CIT: variants seen among roughly 807,000 people sequenced by gnomAD.
The protein encoded by CIT is citron Rho-interacting kinase.
In CIT, 79 loss-of-function variants were observed where a neutral mutation model predicts 272.7. The ratio of observed to expected loss-of-function variants is 0.29; its 90% CI spans 0.24 to 0.35. The LOEUF (loss-of-function observed/expected upper bound fraction) is 0.35. Ranked by LOEUF, CIT falls within the 10% of genes least tolerant of loss-of-function variation. The probability of loss-of-function intolerance (pLI) is 1.00; values close to 1 mark genes in which losing one functional copy is unlikely to be tolerated. For synonymous variants in CIT, 948 were observed against 995.6 expected (o/e 0.95, Z 0.90); for missense variants, 1,909 against 2,618.3 (o/e 0.73, Z 5.91).
At chr12:119,772,368 T>C (rs78719749) in intron 17 of CIT, among the ~76,000 whole-genome samples, 2 of 152,132 alleles carry the variant, frequency 1.3e-5, no homozygotes, top group Admixed American at 6.5e-5. Context: ...CTGAGAGTCA[T>C]TGACGCGCAG....
chr12:119,729,355 A>G (rs1298027396), intron 27 of CIT, among the ~76,000 whole-genome samples: 1 of 152,192 alleles, frequency 6.6e-6, no homozygotes, highest in East Asian at 1.9e-4. Context: ...GTATCCGGTA[A>G]GAAAATAATC....
rs542170241 is a variant in CIT at position 119,802,010 on chromosome 12, C to G, written c.1295+1196G>C. Among the ~76,000 whole-genome samples the G allele has an allele frequency of 1.3e-4, 20 of 152,326 alleles. No individual in the cohort carries two copies. In the South Asian group the frequency reaches 3.5e-3, roughly 27 times the overall value. On this transcript the variant is annotated intron_variant, in intron 10 of 47. Coordinates refer to ENST00000392521, the MANE Select transcript of CIT (RefSeq NM_001206999.2). ...CAAATGCCCAATTCCCCACAACACT[C>G]TGAAATCTTTTCAGGAACGTTACTG...
intron 7 of CIT, among the ~76,000 whole-genome samples, chr12:119,830,696 T>C (rs1184276267): frequency 7.9e-5 from 12 of 152,126 alleles, no homozygotes; most frequent in East Asian, 1.9e-4. Flanking sequence ...AGGGTGCTAA[T>C]GGCATCTAGG....
chr12:119,725,295 G>GTA (rs2137173537), intron 28 of CIT, among the ~76,000 whole-genome samples: 1 of 151,978 alleles, frequency 6.6e-6, no homozygotes, highest in East Asian at 1.9e-4. Context: ...GAGTGCTGGT[G>GTA]TATACCTGTA....
chr12:119,820,582 C>T (rs1409714449), intron 9 of CIT, among the ~76,000 whole-genome samples: 1 of 151,992 alleles, frequency 6.6e-6, no homozygotes, highest in Admixed American at 6.5e-5. Context: ...AAAGAGTTAA[C>T]GTTGGGGAAA....
intron 37 of CIT, among the ~76,000 whole-genome samples, chr12:119,711,682 G>A (rs547180348): frequency 6.6e-6 from 1 of 152,262 alleles, no homozygotes; most frequent in East Asian, 1.9e-4. Context: ...TACAGTCCAT[G>A]CCTCGCTCTG....
intron 23 of CIT, among the ~76,000 whole-genome samples, chr12:119,748,277 A>G (rs1959734109): frequency 6.6e-6 from 1 of 152,232 alleles, no homozygotes; most frequent in Non-Finnish European, 1.5e-5. Context: ...GACAGGTTGC[A>G]GCCAGTCTGC....
At chr12:119,746,040 T>A (rs1228905828) in intron 23 of CIT, among the ~76,000 whole-genome samples, 1 of 152,206 alleles carries the variant, frequency 6.6e-6, no homozygotes, top group African/African-American at 2.4e-5. Flanking sequence ...AAAGTAAGAC[T>A]GTGGCTATCT....
intron 26 of CIT, among the ~76,000 whole-genome samples, chr12:119,731,817 T>C (rs910500214): frequency 3.8e-5 from 1 of 26,414 alleles, no homozygotes; most frequent in African/African-American, 1.4e-4. Context: ...CTCCTAAATA[T>C]ATATATATAT....
At chr12:119,850,340 C>T in intron 4 of CIT, 65 bp from the exon 5 acceptor site, 3 of 954,696 alleles carry the variant, frequency 3.1e-6, no homozygotes, top group East Asian at 5.8e-5. Flanking sequence ...AAGCCTTTTC[C>T]TCTGTCTTTA....
At position 119,698,179 on chromosome 12, in the gene CIT, C is replaced by G; in HGVS notation, c.5624-125G>C. ...TGTAAAGCAACTCACCCAACAAATA[C>G]ATATCTATGCGCCAGAACAGTCATG... On this transcript the variant is annotated intron_variant, in intron 44 of 47. Coordinates refer to ENST00000392521, the MANE Select transcript of CIT (RefSeq NM_001206999.2). 6.3e-6 allele frequency: 5 copies of G among 795,026 alleles called. No individual in the cohort carries two copies. In the South Asian group the frequency reaches 7.2e-5, roughly 11 times the overall value. The allele number at this position is 795,026 out of a possible 1,614,324, so 49.2% of individuals were successfully genotyped here. A position where few individuals can be genotyped will look rare whatever the true frequency, so the allele number is the denominator to read the frequency against.
At chr12:119,836,217 G>A (rs370187867) in intron 5 of CIT, among the ~76,000 whole-genome samples, 1 of 144,724 alleles carries the variant, frequency 6.9e-6, no homozygotes, top group Non-Finnish European at 1.5e-5. Context: ...AACCCGGGAG[G>A]CAGAGGTTGC....
At chr12:119,871,118 T>TAAAA (rs34650406) in intron 2 of CIT, among the ~76,000 whole-genome samples, 1 of 142,784 alleles carries the variant, frequency 7.0e-6, no homozygotes, top group Admixed American at 7.0e-5. Context: ...CAGTCTGTCT[T>TAAAA]AAAAAAAAAA....
At position 119,720,586 on chromosome 12, in the gene CIT, C is replaced by A; in HGVS notation, c.3733-1G>T. 6.3e-7 allele frequency: 1 copy of A among 1,581,428 alleles called. No individual in the cohort carries two copies. The highest frequency in any genetic ancestry group is 8.6e-7 in the Non-Finnish European group (1 of 1,166,118). On this transcript the variant is annotated splice_acceptor_variant, in intron 29 of 47. Coordinates refer to ENST00000392521, the MANE Select transcript of CIT (RefSeq NM_001206999.2). LOFTEE classifies it high-confidence loss of function. ...TCACCTTTTCATGAGAATAGAGAAC[C>A]TAAAATTCAAGAAAACAAACTAACC... is the stretch of plus-strand genomic sequence containing the variant.
chr12:119,846,073 G>A (rs1348141379), intron 5 of CIT, among the ~76,000 whole-genome samples: 1 of 152,106 alleles, frequency 6.6e-6, no homozygotes, highest in Non-Finnish European at 1.5e-5. Flanking sequence ...AAAGTGCCCA[G>A]ATAGTACCCT....
rs151015770 is a variant in CIT at position 119,784,442 on chromosome 12, G to C, written c.1402-391C>G. The C allele has an allele frequency of 1.1e-3, 1,309 of 1,207,762 alleles. 2 individuals carry two copies. Among genetic ancestry groups the C allele is most frequent in the South Asian group, 2.2e-3 (139 of 64,624 alleles). The allele number at this position is 1,207,762 out of a possible 1,614,324, so 74.8% of individuals were successfully genotyped here. A position where few individuals can be genotyped will look rare whatever the true frequency, so the allele number is the denominator to read the frequency against. On this transcript the variant is annotated intron_variant, in intron 11 of 47. Transcript: ENST00000392521. This position sits in a 1 kb window ranked among gnomAD's most constrained non-coding sequence, Gnocchi z 4.7. Reference sequence around the variant, plus strand: ...GCAAAGATCTAGAGGACAAATCCAGGACAGGGCAAGGAGATATTTATTCGT... The same window carrying C: ...GCAAAGATCTAGAGGACAAATCCAGCACAGGGCAAGGAGATATTTATTCGT...
In CIT at chr12:119,704,357, A is replaced by G; in HGVS notation, c.5304+6T>C. 2 of 1,613,570 alleles carry G rather than the reference A, an allele frequency of 1.2e-6. No individual in the cohort carries two copies. ...ACGTTCAACCAAGGCAAGGCCCAGG[A>G]CTTACTTTCCGGATGCAGTATTTGC... On this transcript the variant is annotated splice_donor_region_variant and intron_variant, in intron 41 of 47. Coordinates refer to ENST00000392521, the MANE Select transcript of CIT (RefSeq NM_001206999.2).
At chr12:119,813,003 T>C (rs773620896) in intron 9 of CIT, among the ~76,000 whole-genome samples, 4 of 152,130 alleles carry the variant, frequency 2.6e-5, no homozygotes, top group Admixed American at 1.3e-4. Flanking sequence ...AACCGAACAC[T>C]CTTGTCCCCC....
At chr12:119,725,278 T>A (rs1785954390) in intron 28 of CIT, among the ~76,000 whole-genome samples, 1 of 151,848 alleles carries the variant, frequency 6.6e-6, no homozygotes, top group Admixed American at 6.6e-5. Context: ...CAAAAAAATT[T>A]AGCCGGGAGT....
Sources: allele counts gnomAD v4.1 joint callset (sites outside exome capture counted in the v4.1 genomes callset), GRCh38; gene constraint gnomAD v4.1.1; non-coding constraint Gnocchi (gnomAD v3.1); transcripts MANE v1.5; gene names NCBI Gene and HGNC (gene_info 2026-07-23, HGNC 2026-07-21).